Variants in KLRG1 observed in about 807,000 individuals in gnomAD.
The protein encoded by KLRG1 is killer cell lectin-like receptor subfamily G member 1.
In KLRG1, 16 loss-of-function variants were observed where a neutral mutation model predicts 21.8. That is an observed-to-expected ratio of 0.73 (90% confidence interval 0.50 to 1.11). KLRG1 has a LOEUF of 1.11. KLRG1 is among the 50% of genes most tolerant of loss of function. The pLI is 0.00. For synonymous variants in KLRG1, 69 were observed against 75.9 expected, an observed-to-expected ratio of 0.91 and a Z score of 0.47; for missense variants, 173 against 218.3, an observed-to-expected ratio of 0.79 and a Z score of 1.31.
chr12:9,176,215 C>G, the KLRG1 span, among the ~76,000 whole-genome samples: 2 of 152,156 alleles, frequency 1.3e-5, no homozygotes, highest in Non-Finnish European at 2.9e-5. Flanking sequence ...GAACAGAAAA[C>G]TAAACACTAC....
At chr12:9,206,241 A>G in the KLRG1 span, among the ~76,000 whole-genome samples, 3 of 151,502 alleles carry the variant, frequency 2.0e-5, no homozygotes, top group Non-Finnish European at 4.4e-5. Flanking sequence ...GATCTTAATA[A>G]GAAGGTATAT....
the KLRG1 span, among the ~76,000 whole-genome samples, chr12:9,093,874 C>G: frequency 6.6e-6 from 1 of 151,682 alleles, no homozygotes; most frequent in African/African-American, 2.4e-5. Context: ...ACCTGAGCGA[C>G]AGAGTGAGAC....
chr12:9,022,648 C>T, the KLRG1 span, among the ~76,000 whole-genome samples: 1 of 152,184 alleles, frequency 6.6e-6, no homozygotes, highest in East Asian at 1.9e-4. Flanking sequence ...CCCCACCCCT[C>T]AACTCCAGGG....
At chr12:9,158,757 C>T in the KLRG1 span, among the ~76,000 whole-genome samples, 26,014 of 121,990 alleles carry the variant, frequency 0.21, 3,390 homozygotes, top group Non-Finnish European at 0.29. Context: ...CTTTTCTTTT[C>T]TTTTTTTTTT....
At chr12:9,098,535 A>C in the KLRG1 span, 1 of 1,506,548 alleles carries the variant, frequency 6.6e-7, no homozygotes, top group South Asian at 1.2e-5. Flanking sequence ...TATCCTACTT[A>C]TCCAGTCATT....
the KLRG1 span, among the ~76,000 whole-genome samples, chr12:9,130,603 GA>G: frequency 6.6e-6 from 1 of 151,916 alleles, no homozygotes; most frequent in African/African-American, 2.4e-5. Flanking sequence ...ATTCTTTAGA[GA>G]AATATCTATT....
At chr12:9,171,652 C>T in the KLRG1 span, among the ~76,000 whole-genome samples, 1 of 152,124 alleles carries the variant, frequency 6.6e-6, no homozygotes, top group African/African-American at 2.4e-5. Flanking sequence ...CATAACTGAC[C>T]TGATGGAGCT....
At chr12:9,007,816 C>T (rs1947516617) in intron 3 of KLRG1, among the ~76,000 whole-genome samples, 1 of 152,098 alleles carries the variant, frequency 6.6e-6, no homozygotes, top group African/African-American at 2.4e-5. Flanking sequence ...GGTATTTAAC[C>T]AATTAAGCTG....
the KLRG1 span, chr12:9,090,359 A>T: frequency 7.4e-6 from 12 of 1,613,386 alleles, no homozygotes; most frequent in Non-Finnish European, 9.3e-6. Flanking sequence ...TGCTCACCTA[A>T]TGACTTTGGG....
chr12:9,188,857 A>ACC, the KLRG1 span, among the ~76,000 whole-genome samples: 10 of 152,208 alleles, frequency 6.6e-5, no homozygotes, highest in African/African-American at 2.4e-5. Flanking sequence ...ATTATAAAAC[A>ACC]CCGCTCAAAG....
upstream of KLRG1, among the ~76,000 whole-genome samples, chr12:8,989,219 G>A (rs1417868700): frequency 6.6e-6 from 1 of 152,162 alleles, no homozygotes; most frequent in Non-Finnish European, 1.5e-5. Context: ...AAGAAATGAT[G>A]AAGTCAGTCT....
the KLRG1 span, chr12:9,194,182 A>G: frequency 6.2e-7 from 1 of 1,614,046 alleles, no homozygotes; most frequent in African/African-American, 1.3e-5. Context: ...CGTCATTCAC[A>G]GAGATGAAGA....
the KLRG1 span, among the ~76,000 whole-genome samples, chr12:9,049,951 T>C: frequency 6.6e-6 from 1 of 152,158 alleles, no homozygotes; most frequent in Non-Finnish European, 1.5e-5. Context: ...ATCATAGTAC[T>C]CCCCCATTCC....
rs77678216 is a variant in KLRG1 at position 8,999,496 on chromosome 12, C to T, written c.357+4208C>T. On this transcript the variant is annotated intron_variant, in intron 3 of 4. Transcript: ENST00000356986. Reference sequence around the variant, plus strand: ...TTGGGATTCCCCGAGCTTTTGATGTCGGCTTCTCACATATTTAGGATTTAC... The same window carrying T: ...TTGGGATTCCCCGAGCTTTTGATGTTGGCTTCTCACATATTTAGGATTTAC... 6.0e-3 allele frequency among the ~76,000 whole-genome samples: 921 copies of T among 152,278 alleles called. 9 individuals are homozygous for T. Among genetic ancestry groups the T allele is most frequent in the Middle Eastern group, 0.017 (5 of 294 alleles).
At chr12:9,041,354 AC>A in the KLRG1 span, among the ~76,000 whole-genome samples, 1 of 152,222 alleles carries the variant, frequency 6.6e-6, no homozygotes, top group Non-Finnish European at 1.5e-5. Context: ...AAACAAAAAA[AC>A]AAAACAAAAA....
At chr12:9,120,792 T>C in the KLRG1 span, among the ~76,000 whole-genome samples, 1 of 152,066 alleles carries the variant, frequency 6.6e-6, no homozygotes, top group African/African-American at 2.4e-5. Context: ...AATATATATC[T>C]ACAGAGATGT....
At chr12:9,163,577 G>A in the KLRG1 span, 1 of 1,408,692 alleles carries the variant, frequency 7.1e-7, no homozygotes, top group African/African-American at 1.4e-5. Context: ...TGTATTGTGT[G>A]AGCATGATAT....
chr12:9,176,610 C>T, the KLRG1 span, among the ~76,000 whole-genome samples: 1 of 152,208 alleles, frequency 6.6e-6, no homozygotes, highest in African/African-American at 2.4e-5. Context: ...GATGATTCAA[C>T]AGATTCAAGA....
the KLRG1 span, chr12:9,077,584 TC>T: frequency 2.6e-6 from 4 of 1,517,542 alleles, no homozygotes; most frequent in African/African-American, 5.5e-5. Context: ...TTTGGTGCCA[TC>T]CAGGTTTTAT....
Sources: gnomAD v4.1 joint callset for allele counts (sites outside exome capture counted in the v4.1 genomes callset) on GRCh38, gnomAD v4.1.1 for gene constraint, MANE v1.5 for transcripts, NCBI Gene and HGNC (gene_info 2026-07-23, HGNC 2026-07-21) for gene names.